SEC16A: variants seen among roughly 807,000 people sequenced by gnomAD.
The protein encoded by SEC16A is SEC16 homolog A, endoplasmic reticulum export factor, also known as protein transport protein Sec16A.
In SEC16A, 110 loss-of-function variants were observed where a neutral mutation model predicts 221.9. The observed-to-expected ratio is 0.50, with a 90% CI of 0.42 to 0.58. The LOEUF (loss-of-function observed/expected upper bound fraction) is 0.58. Among genes scored for constraint, SEC16A ranks in the 20% least tolerant of loss-of-function variants. SEC16A has a pLI of 0.00. For synonymous variants in SEC16A, 1,393 were observed against 1,257.7 expected, an observed-to-expected ratio of 1.11 and a Z score of -2.28; for missense variants, 3,165 against 3,097.8, an observed-to-expected ratio of 1.02 and a Z score of -0.52.
chr9:136,444,132 C>CT, intron 30 of SEC16A: 2 of 414,250 alleles, frequency 4.8e-6, no homozygotes, highest in South Asian at 5.2e-5. Context: ...CCGGAACATG[C>CT]AATGGGAAGG....
intron 28 of SEC16A, among the ~76,000 whole-genome samples, chr9:136,446,194 C>A (rs1836955307): frequency 6.6e-6 from 1 of 151,888 alleles, no homozygotes; most frequent in Non-Finnish European, 1.5e-5. Flanking sequence ...CAACCTCTGC[C>A]TCCTGGGTCC....
intron 19 of SEC16A, 100 bp downstream of exon 19, chr9:136,455,953 G>A: frequency 4.9e-6 from 6 of 1,228,416 alleles, no homozygotes; most frequent in Non-Finnish European, 5.8e-6. Flanking sequence ...CACGTTTGCA[G>A]TTACACTGTC....
In SEC16A at chr9:136,476,916, C is replaced by T. The variant is rs1841718666; in HGVS notation, c.700G>A (p.Glu234Lys). The change falls in exon 3 of 32, where the codon GAA becomes AAA. Residue 234 changes from glutamate (E) to lysine (K), a missense_variant. Physicochemically the swap from Glu to Lys is moderately conservative, Grantham distance 56. Coordinates refer to ENST00000684901, the MANE Select transcript of SEC16A (RefSeq NM_014866.2). ...GGCACCCCGCTGGGAACAGGTCCTT[C>T]AGGGCAGGGTGAACGATGTTGCCCC... ...PSGQHRSPCPEGPVPSGVPCA... is the reference protein window; with the variant it reads ...PSGQHRSPCPKGPVPSGVPCA... 2 of 1,611,918 alleles carry T rather than the reference C, an allele frequency of 1.2e-6. No individual in the cohort carries two copies. The highest frequency in any genetic ancestry group is 1.1e-5 in the South Asian group (1 of 91,072).
chr9:136,466,839 G>A lies in SEC16A; in HGVS notation c.3929+118C>T. The stretch of plus-strand genomic sequence containing the variant: ...CTTTCAGACAGGGACCAAAACATCA[G>A]GCAGATGCTCACCCAAACTACCACA... On this transcript the variant is annotated intron_variant, in intron 6 of 31. Coordinates refer to ENST00000684901, the MANE Select transcript of SEC16A (RefSeq NM_014866.2). This position sits in a 1 kb window ranked among gnomAD's most constrained non-coding sequence, Gnocchi z 5.5. The A allele has an allele frequency of 7.9e-7, 1 of 1,272,406 alleles. No homozygotes were observed. The highest frequency in any genetic ancestry group is 2.5e-5 in the Admixed American group (1 of 40,296). 78.8% of individuals were successfully genotyped at this position (1,272,406 alleles called of 1,614,324 possible).
In SEC16A at chr9:136,445,693, A is replaced by G. The variant is rs574639229; in HGVS notation, c.6819T>C (p.Pro2273=). Residue 2273 remains proline, a synonymous_variant, in exon 29 of 32, where the codon CCT becomes CCC. Transcript: ENST00000684901. The part of the protein sequence containing the change: ...PKVLSSAASL[P]GSELPSSRPE... Reference sequence around the variant, plus strand: ...GCCTGGAGGAGGGGAGTTCAGAGCCAGGGAGTGACGCTGCAGAGCTTAAAA... The same window carrying G: ...GCCTGGAGGAGGGGAGTTCAGAGCCGGGGAGTGACGCTGCAGAGCTTAAAA... 5 of 1,552,318 alleles carry G rather than the reference A, an allele frequency of 3.2e-6. No individual in the cohort carries two copies. The South Asian group carries it at 6.0e-5, about 19-fold the overall frequency.
intron 20 of SEC16A, 76 bp from the exon 21 acceptor site, chr9:136,454,403 C>G (rs534428983): frequency 7.6e-7 from 1 of 1,315,996 alleles, no homozygotes; most frequent in African/African-American, 1.5e-5. Context: ...TGACACTCGA[C>G]GTGTTTATGA....
chr9:136,468,276 C>A, intron 5 of SEC16A, 139 bp downstream of exon 5: 1 of 491,166 alleles, frequency 2.0e-6, no homozygotes, highest in South Asian at 3.8e-5. Flanking sequence ...GGCTTTTGGG[C>A]AAAAACATAA....
chr9:136,450,430 C>A (rs1837627531), intron 23 of SEC16A, among the ~76,000 whole-genome samples: 1 of 150,506 alleles, frequency 6.6e-6, no homozygotes, highest in African/African-American at 2.4e-5. Context: ...TCACTTGGGC[C>A]CAGGAGTTTG....
chr9:136,476,568 G>C lies in SEC16A; in HGVS notation c.1048C>G (p.Pro350Ala). The C allele has an allele frequency of 3.7e-6, 6 of 1,610,242 alleles. No homozygotes were observed. Among genetic ancestry groups the C allele is most frequent in the Non-Finnish European group, 5.1e-6 (6 of 1,177,448 alleles). ...GDSPENRTHH[P>A]LGAGAGSGCA... ...CCAGACCCGGCCCCAGCCCCCAGTG[G>C]GTGGTGCGTACGGTTTTCTGGGCTA... Residue 350 changes from proline (P) to alanine (A), a missense_variant, in exon 3 of 32, where the codon CCA becomes GCA. Pro to Ala is a conservative substitution (Grantham distance 27). Transcript: ENST00000684901.
intron 23 of SEC16A, chr9:136,448,364 C>T: frequency 1.4e-6 from 1 of 695,284 alleles, no homozygotes; most frequent in Admixed American, 2.1e-5. Flanking sequence ...ACAGAGACAC[C>T]AGGAGGATGG....
At chr9:136,460,146 A>G (rs928024637) in intron 13 of SEC16A, 23 bp from the exon 14 acceptor site, 9 of 1,574,234 alleles carry the variant, frequency 5.7e-6, no homozygotes, top group Non-Finnish European at 7.8e-6. Flanking sequence ...AAACACAGAA[A>G]GACCCCATGC....
Position 136,468,525 on chromosome 9 carries a change from A to C in SEC16A, c.3705-13T>G. The C allele has an allele frequency of 6.5e-7, 1 of 1,543,426 alleles. No homozygotes were observed. The highest frequency in any genetic ancestry group is 9.0e-7 in the Non-Finnish European group (1 of 1,116,074). On this transcript the variant is annotated splice_polypyrimidine_tract_variant and intron_variant, in intron 4 of 31. Coordinates refer to ENST00000684901, the MANE Select transcript of SEC16A (RefSeq NM_014866.2). ...AGGATATCCTTGCCTGAAAAAACAC[A>C]CAGTGCTGTTAAAACACAAATTACC...
Position 136,459,498 on chromosome 9 carries a change from A to T in SEC16A, c.5249T>A (p.Phe1750Tyr). The change falls in exon 16 of 32, where the codon TTT becomes TAT. Residue 1750 changes from phenylalanine to tyrosine, a missense_variant. Phe to Tyr is a conservative substitution (Grantham distance 22). Transcript: ENST00000684901. This position sits in a 1 kb window ranked among gnomAD's most constrained non-coding sequence, Gnocchi z 6.1. ...HFCYLMAQAG[F>Y]GVYTKKTTKL... Reference sequence around the variant, plus strand: ...TGTAGTTTTCTTCGTGTAAACACCAAATCCCGCCTGGGCCATGAGGTAGCA... The same window carrying T: ...TGTAGTTTTCTTCGTGTAAACACCATATCCCGCCTGGGCCATGAGGTAGCA... 6.2e-7 allele frequency: 1 copy of T among 1,608,124 alleles called. No individual in the cohort carries two copies. Among genetic ancestry groups the T allele is most frequent in the Non-Finnish European group, 8.5e-7 (1 of 1,177,038 alleles).
Position 136,476,129 on chromosome 9 carries a change from G to A in SEC16A, c.1487C>T (p.Ala496Val), listed in dbSNP as rs1043808383. ...GCACACAGCACCATGCCTGGGCACA[G>A]CTGGCCCAGGAAGGGGCCCATATCT... ...QFRYGPLPGPAVPRHGAVCHT... is the reference protein window; with the variant it reads ...QFRYGPLPGPVVPRHGAVCHT... The change falls in exon 3 of 32, where the codon GCT becomes GTT. Residue 496 changes from alanine to valine, a missense_variant. By Grantham distance (64) the Ala-to-Val change is moderately conservative. This residue lies in a region of SEC16A where 2,030 missense variants were observed against 1,923.1 expected (regional missense o/e 1.06). Coordinates refer to ENST00000684901, the MANE Select transcript of SEC16A (RefSeq NM_014866.2). The A allele has an allele frequency of 6.2e-7, 1 of 1,613,664 alleles. No individual in the cohort carries two copies. The highest frequency in any genetic ancestry group is 1.3e-5 in the African/African-American group (1 of 74,940).
chr9:136,464,036 C>T (rs1398970464), intron 9 of SEC16A, among the ~76,000 whole-genome samples: 2 of 152,278 alleles, frequency 1.3e-5, no homozygotes, highest in African/African-American at 4.8e-5. Flanking sequence ...GGAAGAGGCG[C>T]ATGCCAGCCC....
In SEC16A at chr9:136,481,528, C is replaced by T. The variant is rs567814442; in HGVS notation, c.-192+1410G>A. ...TCTTGAAAATGCAGTATTCATAAACCTAGCTAGTCAGTTAAACTGCCTTGT... is the reference window on the plus strand; with the variant it reads ...TCTTGAAAATGCAGTATTCATAAACTTAGCTAGTCAGTTAAACTGCCTTGT... On this transcript the variant is annotated intron_variant, in intron 1 of 31. Transcript: ENST00000684901. Among the ~76,000 whole-genome samples, 215 of 152,340 alleles carry T rather than the reference C, an allele frequency of 1.4e-3. 1 individual carries two copies. Among genetic ancestry groups the T allele is most frequent in the South Asian group, 0.011 (52 of 4,830 alleles).
chr9:136,457,584 C>A lies in SEC16A; in HGVS notation c.5410G>T (p.Val1804Leu). Residue 1804 changes from valine (V) to leucine (L), a missense_variant and splice_region_variant, in exon 18 of 32, where the codon GTG becomes TTG. By Grantham distance (32) the Val-to-Leu change is conservative. This residue lies in a region of SEC16A where 1,088 missense variants were observed against 1,089.6 expected (regional missense o/e 1.00). Transcript: ENST00000684901. ...AETCPLPSFQ[V>L]FKFIYSCRLA... ...CGGCAGGAGTAGATGAACTTAAACACCTGAAACGACAGAAGCCTTGCTGCC... is the reference window on the plus strand; with the variant it reads ...CGGCAGGAGTAGATGAACTTAAACAACTGAAACGACAGAAGCCTTGCTGCC... 1.2e-6 allele frequency: 2 copies of A among 1,607,962 alleles called. No individual in the cohort carries two copies. The highest frequency in any genetic ancestry group is 1.7e-6 in the Non-Finnish European group (2 of 1,176,400).
rs945638001 is a variant in SEC16A at position 136,460,074 on chromosome 9, G to A, written c.5041C>T (p.Leu1681Phe). The change falls in exon 14 of 32, where the codon CTC becomes TTC. Residue 1681 changes from leucine (L) to phenylalanine (F), a missense_variant. By Grantham distance (22) the Leu-to-Phe change is conservative. This residue lies in a region of SEC16A where 1,088 missense variants were observed against 1,089.6 expected (regional missense o/e 1.00). Coordinates refer to ENST00000684901, the MANE Select transcript of SEC16A (RefSeq NM_014866.2). ...INDPLQTVYQ[L>F]MSGRMPAAST... ...GCGGCAGGCATCCGTCCGGACATGA[G>A]CTGGTAGACTGTCTGCAGAGGGTCG... is the stretch of plus-strand genomic sequence containing the variant. 1.2e-6 allele frequency: 2 copies of A among 1,607,278 alleles called. No individual in the cohort carries two copies. Among genetic ancestry groups the A allele is most frequent in the Admixed American group, 1.7e-5 (1 of 59,042 alleles).
Position 136,448,085 on chromosome 9 carries a change from G to C in SEC16A, c.6389C>G (p.Ser2130Trp). 1 of 1,611,928 alleles carries C rather than the reference G, an allele frequency of 6.2e-7. No individual in the cohort carries two copies. The highest frequency in any genetic ancestry group is 8.5e-7 in the Non-Finnish European group (1 of 1,178,582). Residue 2130 changes from serine (S) to tryptophan (W), a missense_variant and splice_region_variant, in exon 24 of 32, where the codon TCG (serine) becomes TGG (tryptophan). By Grantham distance (177) the Ser-to-Trp change is radical. Coordinates refer to ENST00000684901, the MANE Select transcript of SEC16A (RefSeq NM_014866.2). ...CCGTGCGTATTTGACAGCACTCACC[G>C]ATTTGTTCTTGTCATCTGGCAAATA... ...EAYLPDDKNK[S>W]IVWDEKKNQW...
Sources: gnomAD v4.1 joint callset for allele counts (sites outside exome capture counted in the v4.1 genomes callset) on GRCh38, gnomAD v4.1.1 for gene constraint, gnomAD v4.1.1 regional missense constraint, Gnocchi (gnomAD v3.1) non-coding constraint, MANE v1.5 for transcripts, NCBI Gene and HGNC (gene_info 2026-07-23, HGNC 2026-07-21) for gene names.